Variants in RERE observed in about 807,000 individuals in gnomAD.
RERE encodes the protein arginine-glutamic acid dipeptide repeats protein.
RERE carries 40 observed loss-of-function variants against 146.1 expected under a neutral mutation model. That is an observed-to-expected ratio of 0.27 (90% CI 0.21 to 0.36). RERE has a LOEUF of 0.36. Ranked by LOEUF, RERE falls within the 10% of genes least tolerant of loss-of-function variation. The pLI, the probability that RERE is intolerant of heterozygous loss-of-function variation, is 1.00. For missense variants in RERE, 1,933 were observed against 2,138.7 expected (o/e 0.90, Z 1.90); for synonymous variants, 1,003 against 866.0 (o/e 1.16, Z -2.78).
At chr1:8,703,228 C>G (rs1639493017) in intron 1 of RERE, 5 of 150,630 alleles carry the variant, frequency 3.3e-5, no homozygotes, top group African/African-American at 9.7e-5. Context: ...CGCAGGGCAC[C>G]GCGGCGCGGG....
At chr1:8,569,819 C>A (rs1646197531) in intron 4 of RERE, among the ~76,000 whole-genome samples, 1 of 148,874 alleles carries the variant, frequency 6.7e-6, no homozygotes, top group Non-Finnish European at 1.5e-5. Flanking sequence ...CTGAGCCCAA[C>A]AGCTAAAGGC....
chr1:8,439,187 G>C (rs1338976081), intron 11 of RERE, among the ~76,000 whole-genome samples: 1 of 152,226 alleles, frequency 6.6e-6, no homozygotes, highest in African/African-American at 2.4e-5. Flanking sequence ...GTGTTTGAGA[G>C]AGCCACTTGC....
At chr1:8,559,881 A>T (rs1646057771) in intron 4 of RERE, among the ~76,000 whole-genome samples, 1 of 152,142 alleles carries the variant, frequency 6.6e-6, no homozygotes, top group Admixed American at 6.5e-5. Context: ...GCAGCAAGGG[A>T]CAAATCGCCA....
intron 8 of RERE, among the ~76,000 whole-genome samples, chr1:8,502,283 C>A (rs1645178932): frequency 8.7e-6 from 1 of 115,310 alleles, no homozygotes; most frequent in Non-Finnish European, 1.8e-5. Context: ...GCCGCCCCTA[C>A]TGGGAAGTGA....
intron 12 of RERE, among the ~76,000 whole-genome samples, chr1:8,415,717 C>A (rs532375770): frequency 6.6e-6 from 1 of 152,232 alleles, no homozygotes; most frequent in Non-Finnish European, 1.5e-5. Context: ...ATTACCCTCA[C>A]GAAAACTGGA....
chr1:8,500,596 A>G (rs1645120173), intron 8 of RERE, among the ~76,000 whole-genome samples: 1 of 152,114 alleles, frequency 6.6e-6, no homozygotes, highest in Non-Finnish European at 1.5e-5. Flanking sequence ...TTGGCCCCCC[A>G]AAGTGCCGAG....
rs869173167 is a variant in RERE, at chr1:8,774,951, C to CTTTTTTTTTTTTTT, written c.-145+42195_-145+42208dup. Reference sequence around the variant, plus strand: ...TCATAGTAGCATTTCTTCTTTCTTTCTTTTTTTTTTTTTTTTTTTTTTTTT... The same window carrying CTTTTTTTTTTTTTT: ...TCATAGTAGCATTTCTTCTTTCTTTCTTTTTTTTTTTTTTTTTTTTTTTTTTTTTTTTTTTTTTT... On this transcript the variant is annotated intron_variant, in intron 1 of 22. Coordinates refer to ENST00000400908, the MANE Select transcript of RERE (RefSeq NM_001042681.2). Among the ~76,000 whole-genome samples, 21 of 47,936 alleles carry CTTTTTTTTTTTTTT rather than the reference C, an allele frequency of 4.4e-4. 2 individuals carry two copies. Among genetic ancestry groups the CTTTTTTTTTTTTTT allele is most frequent in the African/African-American group, 9.3e-4 (13 of 13,950 alleles). 31.4% of individuals were successfully genotyped at this position (47,936 alleles called of 152,430 possible). A position where few individuals can be genotyped will look rare whatever the true frequency, so the allele number is the denominator to read the frequency against.
chr1:8,560,910 C>G (rs1331336170), intron 4 of RERE, among the ~76,000 whole-genome samples: 1 of 152,178 alleles, frequency 6.6e-6, no homozygotes, highest in Admixed American at 6.5e-5. Context: ...GCACTCCTAA[C>G]AACAATCTTT....
intron 12 of RERE, among the ~76,000 whole-genome samples, chr1:8,409,128 T>G (rs1643542245): frequency 6.6e-6 from 1 of 152,234 alleles, no homozygotes; most frequent in Non-Finnish European, 1.5e-5. Context: ...TGTGCCGTTT[T>G]GAAGGCAGAG....
At chr1:8,414,382 TA>T (rs887857646) in intron 12 of RERE, among the ~76,000 whole-genome samples, 29 of 148,070 alleles carry the variant, frequency 2.0e-4, no homozygotes, top group African/African-American at 7.7e-4. Flanking sequence ...CCATCTCTAC[TA>T]AAACTCTACT....
intron 4 of RERE, among the ~76,000 whole-genome samples, chr1:8,591,327 T>C (rs1646490253): frequency 6.6e-6 from 1 of 151,826 alleles, no homozygotes; most frequent in Non-Finnish European, 1.5e-5. Flanking sequence ...AGAAAGATGG[T>C]GTAAAAGCAA....
intron 1 of RERE, among the ~76,000 whole-genome samples, chr1:8,743,815 C>T (rs1175953835): frequency 2.6e-5 from 4 of 152,090 alleles, no homozygotes; most frequent in Non-Finnish European, 1.5e-5. Flanking sequence ...CCACTTACTC[C>T]CTCAGCCAAA....
intron 1 of RERE, among the ~76,000 whole-genome samples, chr1:8,760,024 A>T (rs550717315): frequency 1.1e-3 from 165 of 152,018 alleles, no homozygotes; most frequent in African/African-American, 3.8e-3. Context: ...AGTTTAGTTT[A>T]GTTTTGTTTT....
At chr1:8,679,012 A>G (rs903688765) in intron 1 of RERE, among the ~76,000 whole-genome samples, 2 of 152,272 alleles carry the variant, frequency 1.3e-5, no homozygotes, top group Non-Finnish European at 2.9e-5. Flanking sequence ...CACACTAGCC[A>G]CATTTCAGGT....
At chr1:8,470,297 C>CTGTT (rs1272021779) in intron 10 of RERE, among the ~76,000 whole-genome samples, 2 of 152,126 alleles carry the variant, frequency 1.3e-5, no homozygotes, top group Non-Finnish European at 1.5e-5. Context: ...GAGTCTCACT[C>CTGTT]TGTTGCCCAG....
In RERE at chr1:8,557,413, T is replaced by C. The variant is rs1188817838; in HGVS notation, c.628+5A>G. ...ACACAAATCAAACCACAAGGACATA[T>C]TTACCATTTTCATTATGTCGATCCT... is the stretch of plus-strand genomic sequence containing the variant. On this transcript the variant is annotated splice_donor_5th_base_variant and intron_variant, in intron 5 of 22. Transcript: ENST00000400908. 3.2e-6 allele frequency: 5 copies of C among 1,543,450 alleles called. 1 individual carries two copies. The highest frequency in any genetic ancestry group is 2.7e-5 in the African/African-American group (2 of 73,532).
intron 1 of RERE, among the ~76,000 whole-genome samples, chr1:8,718,248 T>C (rs971231194): frequency 6.6e-6 from 1 of 152,222 alleles, no homozygotes; most frequent in Non-Finnish European, 1.5e-5. Context: ...GTTCCTAAAA[T>C]CATAAATTCT....
At chr1:8,695,155 A>G (rs57467773) in intron 1 of RERE, among the ~76,000 whole-genome samples, 3,276 of 152,296 alleles carry the variant, frequency 0.022, 124 homozygotes, top group African/African-American at 0.076. Flanking sequence ...AATGCTGACA[A>G]AAACAAGCAA....
intron 1 of RERE, among the ~76,000 whole-genome samples, chr1:8,787,344 A>ACACC (rs1214019792): frequency 1.3e-5 from 2 of 152,160 alleles, no homozygotes; most frequent in African/African-American, 4.8e-5. Flanking sequence ...TACCATCCGT[A>ACACC]CACCCTGTCA....
Sources: allele counts gnomAD v4.1 joint callset (sites outside exome capture counted in the v4.1 genomes callset), GRCh38; gene constraint gnomAD v4.1.1; transcripts MANE v1.5; gene names NCBI Gene and HGNC (gene_info 2026-07-23, HGNC 2026-07-21).